The following ANKMY1 variants were observed in gnomAD, a reference collection of about 807,000 sequenced individuals.
ANKMY1 encodes the protein ankyrin repeat and MYND domain-containing protein 1.
A neutral mutation model predicts 102.0 loss-of-function variants in ANKMY1; 98 were observed. The ratio of observed to expected loss-of-function variants is 0.96; its 90% confidence interval spans 0.82 to 1.14. ANKMY1 has a LOEUF of 1.14. Ranked by LOEUF, ANKMY1 falls within the 50% of genes most tolerant of loss-of-function variation. The pLI, the probability that ANKMY1 is intolerant of heterozygous loss-of-function variation, is 0.00. For synonymous variants in ANKMY1, 582 were observed against 559.9 expected, an observed-to-expected ratio of 1.04 and a Z score of -0.56; for missense variants, 1,330 against 1,347.6, an observed-to-expected ratio of 0.99 and a Z score of 0.20.
intron 15 of ANKMY1, among the ~76,000 whole-genome samples, chr2:240,483,601 G>T (rs2075700724): frequency 6.6e-6 from 1 of 152,124 alleles, no homozygotes; most frequent in Non-Finnish European, 1.5e-5. Flanking sequence ...ATTTACATTT[G>T]ATATTTTGCA....
At chr2:240,486,981 A>C (rs2076129240) in intron 15 of ANKMY1, among the ~76,000 whole-genome samples, 1 of 152,224 alleles carries the variant, frequency 6.6e-6, no homozygotes, top group Non-Finnish European at 1.5e-5. Flanking sequence ...TGTAGTGATC[A>C]AGTTAGGGTA....
intron 4 of ANKMY1, among the ~76,000 whole-genome samples, chr2:240,537,734 C>T (rs922202198): frequency 6.6e-5 from 10 of 152,222 alleles, no homozygotes; most frequent in African/African-American, 2.4e-4. Flanking sequence ...CAAGCTGCCT[C>T]CTTACCTGTT....
chr2:240,543,799 C>T (rs752338810), intron 4 of ANKMY1, among the ~76,000 whole-genome samples: 9 of 151,978 alleles, frequency 5.9e-5, no homozygotes, highest in South Asian at 2.1e-4. Context: ...TTATTTTTAA[C>T]GTTCATTAGA....
intron 4 of ANKMY1, among the ~76,000 whole-genome samples, chr2:240,538,518 G>A (rs988069157): frequency 2.0e-5 from 3 of 152,114 alleles, no homozygotes; most frequent in Non-Finnish European, 4.4e-5. Context: ...GCCTCCCCAC[G>A]GGGCAGGGCT....
intron 13 of ANKMY1, among the ~76,000 whole-genome samples, chr2:240,502,476 C>T (rs940625281): frequency 6.6e-6 from 1 of 152,082 alleles, no homozygotes; most frequent in Admixed American, 6.5e-5. Context: ...ACCCCAACCC[C>T]TGGGAGTCAC....
In ANKMY1 at chr2:240,512,907, G is replaced by T; in HGVS notation, c.2040C>A (p.Ala680=). Reference sequence around the variant, plus strand: ...TCTGTACCCCCTCCTCCCCAGGAAGGGCGGCAGCGATGTGGAGTGGTGTCA... The same window carrying T: ...TCTGTACCCCCTCCTCCCCAGGAAGTGCGGCAGCGATGTGGAGTGGTGTCA... The part of the protein sequence containing the change: ...STLTPLHIAA[A]LPGEEGVQIV... Residue 680 remains alanine (A), a synonymous_variant, in exon 10 of 18, where the codon GCC becomes GCA. Coordinates refer to ENST00000401804, the MANE Select transcript of ANKMY1 (RefSeq NM_001282771.3). The T allele has an allele frequency of 6.2e-7, 1 of 1,613,960 alleles. No individual in the cohort carries two copies. The highest frequency in any genetic ancestry group is 8.5e-7 in the Non-Finnish European group (1 of 1,179,962).
chr2:240,549,827 C>T (rs1246722306), intron 4 of ANKMY1, among the ~76,000 whole-genome samples: 2 of 152,120 alleles, frequency 1.3e-5, no homozygotes, highest in African/African-American at 4.8e-5. Flanking sequence ...TACCATCTCA[C>T]ACCAGTTAGA....
intron 4 of ANKMY1, among the ~76,000 whole-genome samples, chr2:240,541,131 G>A (rs900959541): frequency 3.3e-5 from 5 of 152,204 alleles, no homozygotes; most frequent in African/African-American, 9.7e-5. Context: ...CACTCCTGAG[G>A]GCTTGTTTGT....
chr2:240,533,077 T>C (rs1024928143), intron 4 of ANKMY1, among the ~76,000 whole-genome samples: 1 of 152,248 alleles, frequency 6.6e-6, no homozygotes, highest in Non-Finnish European at 1.5e-5. Flanking sequence ...AGTTAAAAAA[T>C]AGTCTAAGTT....
chr2:240,557,803 C>T (rs1254427750), intron 1 of ANKMY1, 78 bp downstream of exon 1: 1 of 910,040 alleles, frequency 1.1e-6, no homozygotes. Context: ...AGCCTGGCGC[C>T]CCCCCGCACC....
chr2:240,560,966 C>T, upstream of ANKMY1: 2 of 1,515,088 alleles, frequency 1.3e-6, no homozygotes, highest in Non-Finnish European at 8.7e-7. Flanking sequence ...CCGCGGTGCG[C>T]GCCGGCGGCG....
intron 4 of ANKMY1, among the ~76,000 whole-genome samples, chr2:240,543,451 A>G (rs1338339415): frequency 6.6e-6 from 1 of 152,118 alleles, no homozygotes; most frequent in Non-Finnish European, 1.5e-5. Context: ...TTTGCTAGAC[A>G]TTTTGAGATA....
chr2:240,487,883 T>A (rs919414663), intron 15 of ANKMY1, among the ~76,000 whole-genome samples: 1 of 152,228 alleles, frequency 6.6e-6, no homozygotes, highest in Non-Finnish European at 1.5e-5. Flanking sequence ...ATTAGTCTCC[T>A]GTCAGGTAAA....
intron 9 of ANKMY1, among the ~76,000 whole-genome samples, chr2:240,515,063 G>C (rs564379532): frequency 1.3e-5 from 2 of 152,392 alleles, no homozygotes; most frequent in Non-Finnish European, 2.9e-5. Flanking sequence ...TCTAGGCCCA[G>C]AGACTATCGT....
chr2:240,544,492 G>A (rs994116390), intron 4 of ANKMY1, among the ~76,000 whole-genome samples: 1 of 151,824 alleles, frequency 6.6e-6, no homozygotes, highest in African/African-American at 2.4e-5. Context: ...TCTTACTCTT[G>A]GGGGGGGAGG....
intron 15 of ANKMY1, among the ~76,000 whole-genome samples, chr2:240,498,306 T>C (rs1271667432): frequency 3.6e-5 from 5 of 140,834 alleles, no homozygotes; most frequent in African/African-American, 1.3e-4. Flanking sequence ...GGGGGGTTTA[T>C]GCATGGGTGG....
chr2:240,492,438 T>C (rs907126279), intron 15 of ANKMY1, among the ~76,000 whole-genome samples: 4 of 152,248 alleles, frequency 2.6e-5, no homozygotes, highest in Non-Finnish European at 4.4e-5. Context: ...CTTTGTCTGA[T>C]TGGATTATTT....
At chr2:240,546,739 C>G (rs2090463910) in intron 4 of ANKMY1, among the ~76,000 whole-genome samples, 1 of 152,104 alleles carries the variant, frequency 6.6e-6, no homozygotes, top group South Asian at 2.1e-4. Flanking sequence ...GACTTTAAAC[C>G]AACAAAGATC....
intron 15 of ANKMY1, among the ~76,000 whole-genome samples, chr2:240,491,471 T>C (rs1052372234): frequency 2.0e-5 from 3 of 152,212 alleles, no homozygotes; most frequent in Non-Finnish European, 4.4e-5. Context: ...AGCATTTGAG[T>C]TCTTTCTCTT....
Sources: allele counts gnomAD v4.1 joint callset (sites outside exome capture counted in the v4.1 genomes callset), GRCh38; gene constraint gnomAD v4.1.1; transcripts MANE v1.5; gene names NCBI Gene and HGNC (gene_info 2026-07-23, HGNC 2026-07-21).